FAF1: variants seen among roughly 807,000 people sequenced by gnomAD.
FAF1 encodes FAS-associated factor 1.
FAF1 carries 25 observed loss-of-function variants against 92.5 expected under a neutral mutation model. The observed-to-expected ratio is 0.27, with a 90% CI of 0.20 to 0.38. The LOEUF is 0.38. Ranked by LOEUF, FAF1 falls within the 10% of genes least tolerant of loss-of-function variation. The probability of loss-of-function intolerance (pLI) is 1.00; values close to 1 mark genes in which losing one functional copy is unlikely to be tolerated. For missense variants in FAF1, 636 were observed against 793.3 expected (o/e 0.80, Z 2.38); for synonymous variants, 234 against 273.2 (o/e 0.86, Z 1.42).
intron 3 of FAF1, among the ~76,000 whole-genome samples, chr1:50,801,119 C>T (rs1661973492): frequency 6.6e-6 from 1 of 152,208 alleles, no homozygotes; most frequent in South Asian, 2.1e-4. Flanking sequence ...AACCATTCCA[C>T]TTGTTAACAC....
intron 2 of FAF1, among the ~76,000 whole-genome samples, chr1:50,848,150 A>G (rs920421499): frequency 2.0e-5 from 3 of 151,448 alleles, no homozygotes; most frequent in African/African-American, 7.3e-5. Flanking sequence ...AAAATAATTT[A>G]AAAAAAACAA....
intron 1 of FAF1, among the ~76,000 whole-genome samples, chr1:50,934,465 A>G (rs1645071291): frequency 1.3e-5 from 2 of 152,220 alleles, no homozygotes; most frequent in Admixed American, 6.5e-5. Flanking sequence ...GCTCATGCCT[A>G]TAATTCTAGC....
chr1:50,497,641 C>T (rs765893945), intron 15 of FAF1, among the ~76,000 whole-genome samples: 1 of 147,952 alleles, frequency 6.8e-6, no homozygotes, highest in African/African-American at 2.5e-5. Flanking sequence ...CTCCACCCCC[C>T]CAGGTTTAAG....
chr1:50,773,390 A>G (rs896848588), intron 4 of FAF1, among the ~76,000 whole-genome samples: 12 of 152,246 alleles, frequency 7.9e-5, no homozygotes, highest in African/African-American at 2.7e-4. Flanking sequence ...TGTTCGTTGC[A>G]GGATTATTCA....
chr1:50,583,223 T>G lies in FAF1; in HGVS notation c.1031+429A>C, dbSNP rs1027903041. Among the ~76,000 whole-genome samples the G allele has an allele frequency of 3.3e-5, 5 of 151,676 alleles. No individual in the cohort carries two copies. Among genetic ancestry groups the G allele is most frequent in the African/African-American group, 1.2e-4 (5 of 41,452 alleles). On this transcript the variant is annotated intron_variant, in intron 11 of 18. Transcript: ENST00000396153. The surrounding 1 kb of genome is among the most constrained non-coding windows in gnomAD (Gnocchi z 4.2). ...ATATAAAATATTTTATATTTGACAC[T>G]TAAGGAAGAAATGTAAAGCAATTCC...
chr1:50,649,561 A>G lies in FAF1; in HGVS notation c.744+5881T>C, dbSNP rs111832500. 2.9e-3 allele frequency among the ~76,000 whole-genome samples: 434 copies of G among 152,276 alleles called. 4 individuals carry two copies. The highest frequency in any genetic ancestry group is 9.9e-3 in the African/African-American group (412 of 41,562). On this transcript the variant is annotated intron_variant, in intron 8 of 18. Transcript: ENST00000396153. ...CTTTCTGAATCCTAACACACGCCCAAAGAGCTTTGATTCTAAAATTCCTAG... is the reference window on the plus strand; with the variant it reads ...CTTTCTGAATCCTAACACACGCCCAGAGAGCTTTGATTCTAAAATTCCTAG...
chr1:50,576,030 A>T (rs1409484251), intron 12 of FAF1, among the ~76,000 whole-genome samples: 2 of 152,218 alleles, frequency 1.3e-5, no homozygotes, highest in Non-Finnish European at 2.9e-5. Context: ...TGTGGTAGAA[A>T]TGTTCATGGG....
chr1:50,941,175 G>C (rs1645129481), intron 1 of FAF1, among the ~76,000 whole-genome samples: 1 of 151,810 alleles, frequency 6.6e-6, no homozygotes, highest in East Asian at 1.9e-4. Context: ...GGGACTTACA[G>C]GTGCGCGCTG....
intron 5 of FAF1, among the ~76,000 whole-genome samples, chr1:50,740,004 A>T (rs1659320463): frequency 7.1e-6 from 1 of 141,592 alleles, no homozygotes; most frequent in Non-Finnish European, 1.5e-5. Context: ...ATACCTTTAC[A>T]TCATAAGCCA....
intron 13 of FAF1, among the ~76,000 whole-genome samples, chr1:50,560,890 C>T (rs1039015177): frequency 2.0e-5 from 3 of 152,224 alleles, no homozygotes. Context: ...GCAACTTCAG[C>T]TAAGAATCCA....
At chr1:50,653,453 T>C (rs1197997291) in intron 8 of FAF1, among the ~76,000 whole-genome samples, 1 of 152,152 alleles carries the variant, frequency 6.6e-6, no homozygotes, top group African/African-American at 2.4e-5. Context: ...CAGGTTCAAG[T>C]GATCCTCCTG....
intron 4 of FAF1, among the ~76,000 whole-genome samples, chr1:50,764,937 G>T (rs920255223): frequency 2.6e-5 from 4 of 152,080 alleles, no homozygotes; most frequent in Non-Finnish European, 2.9e-5. Context: ...TGGAAACTAG[G>T]GTGGTTCACA....
intron 1 of FAF1, among the ~76,000 whole-genome samples, chr1:50,887,856 G>T (rs1043413383): frequency 2.6e-5 from 4 of 152,078 alleles, no homozygotes; most frequent in Non-Finnish European, 5.9e-5. Flanking sequence ...GTCTTGGCAA[G>T]GCAGGCTCTT....
At chr1:50,561,322 C>T (rs1649888731) in intron 13 of FAF1, among the ~76,000 whole-genome samples, 1 of 152,078 alleles carries the variant, frequency 6.6e-6, no homozygotes, top group African/African-American at 2.4e-5. Flanking sequence ...ATCAAGTATC[C>T]AGTCTGAACA....
At chr1:50,484,915 T>A (rs1646745439) in intron 17 of FAF1, among the ~76,000 whole-genome samples, 2 of 126,292 alleles carry the variant, frequency 1.6e-5, no homozygotes, top group African/African-American at 6.1e-5. Context: ...TGAGAACACT[T>A]GGACACAGGA....
intron 1 of FAF1, among the ~76,000 whole-genome samples, chr1:50,957,394 C>T (rs543219939): frequency 1.3e-4 from 18 of 143,046 alleles, no homozygotes; most frequent in Non-Finnish European, 2.4e-4. Flanking sequence ...CTCTGTCGCC[C>T]AGGCTAGAGT....
At chr1:50,646,041 G>A (rs1222148281) in intron 8 of FAF1, among the ~76,000 whole-genome samples, 1 of 152,026 alleles carries the variant, frequency 6.6e-6, no homozygotes, top group Non-Finnish European at 1.5e-5. Context: ...AACTTCATAT[G>A]GTCCCACCTA....
At chr1:50,773,289 A>C (rs1038684261) in intron 4 of FAF1, among the ~76,000 whole-genome samples, 4 of 152,220 alleles carry the variant, frequency 2.6e-5, no homozygotes, top group Non-Finnish European at 5.9e-5. Flanking sequence ...TAAGTATGAC[A>C]TTTAAAAATG....
intron 1 of FAF1, among the ~76,000 whole-genome samples, chr1:50,942,709 T>G (rs983553934): frequency 1.3e-5 from 2 of 151,618 alleles, no homozygotes; most frequent in Non-Finnish European, 2.9e-5. Flanking sequence ...AGCAATTTAT[T>G]CCTCACAATA....
Sources: gnomAD v4.1 joint callset for allele counts (sites outside exome capture counted in the v4.1 genomes callset) on GRCh38, gnomAD v4.1.1 for gene constraint, Gnocchi (gnomAD v3.1) non-coding constraint, MANE v1.5 for transcripts, NCBI Gene and HGNC (gene_info 2026-07-23, HGNC 2026-07-21) for gene names.